The following FNBP1 variants were observed in gnomAD, a reference collection of about 807,000 sequenced individuals.
FNBP1 encodes formin binding protein 1.
A neutral mutation model predicts 90.6 loss-of-function variants in FNBP1; 26 were observed. That is an observed-to-expected ratio of 0.29 (90% confidence interval 0.21 to 0.40). The LOEUF is 0.40. Among genes scored for constraint, FNBP1 ranks in the 10% least tolerant of loss-of-function variants. The probability of loss-of-function intolerance (pLI) is 1.00; values close to 1 mark genes in which losing one functional copy is unlikely to be tolerated. For missense variants in FNBP1, 635 were observed against 768.0 expected, an observed-to-expected ratio of 0.83 and a Z score of 2.05; for synonymous variants, 260 against 265.2, an observed-to-expected ratio of 0.98 and a Z score of 0.19.
At chr9:130,053,858 G>C in the FNBP1 span, 2 of 1,420,728 alleles carry the variant, frequency 1.4e-6, no homozygotes, top group South Asian at 1.3e-5. Context: ...CCGCTCCCCG[G>C]GCCCTTCCGG....
At chr9:129,919,287 A>G in intron 10 of FNBP1, 1 of 1,002,510 alleles carries the variant, frequency 1.0e-6, no homozygotes, top group African/African-American at 1.7e-5. Context: ...AATAAAATTA[A>G]CCATAAGACT....
chr9:130,049,678 G>C, the FNBP1 span, among the ~76,000 whole-genome samples: 1 of 148,044 alleles, frequency 6.8e-6, no homozygotes, highest in Non-Finnish European at 1.5e-5. Flanking sequence ...TCCAGCCCGG[G>C]AAACAAAGTA....
chr9:129,968,630 CTT>C (rs2048976709), intron 4 of FNBP1, among the ~76,000 whole-genome samples: 1 of 152,128 alleles, frequency 6.6e-6, no homozygotes, highest in African/African-American at 2.4e-5. Flanking sequence ...GAATATCTAA[CTT>C]TGAAAAGAAT....
chr9:130,049,722 TA>T, the FNBP1 span, among the ~76,000 whole-genome samples: 1 of 151,738 alleles, frequency 6.6e-6, no homozygotes, highest in Non-Finnish European at 1.5e-5. Context: ...AAAATAAAAA[TA>T]AAAATTAAAA....
In FNBP1 at chr9:129,927,351, T is replaced by C. The variant is rs1341440038; in HGVS notation, c.643-10A>G. ...CCATCTCTTGTATTTTCTGCAACAT[T>C]AGATTTTGTATAAAGTAAGTTTGGT... On this transcript the variant is annotated splice_polypyrimidine_tract_variant and intron_variant, in intron 7 of 16. Transcript: ENST00000446176. The C allele has an allele frequency of 1.2e-6, 2 of 1,607,850 alleles. No individual in the cohort carries two copies. Among genetic ancestry groups the C allele is most frequent in the Non-Finnish European group, 1.7e-6 (2 of 1,175,794 alleles).
At chr9:129,950,770 C>CTGA in intron 6 of FNBP1, among the ~76,000 whole-genome samples, 1 of 152,182 alleles carries the variant, frequency 6.6e-6, no homozygotes, top group Admixed American at 6.6e-5. Flanking sequence ...CTCTGAACCT[C>CTGA]ACAGTTTTCT....
In FNBP1 at chr9:129,900,409, C is replaced by A; in HGVS notation, c.1550+17G>T. 6.5e-7 allele frequency: 1 copy of A among 1,539,652 alleles called. No homozygotes were observed. Among genetic ancestry groups the A allele is most frequent in the East Asian group, 2.4e-5 (1 of 42,166 alleles). ...CAGGCTCCCTTGCCAGAGGCAGGCG[C>A]TGTGCAGATACTGTACCTCTCACGG... On this transcript the variant is annotated intron_variant, in intron 14 of 16. Transcript: ENST00000446176. The surrounding 1 kb of genome is among the most constrained non-coding windows in gnomAD (Gnocchi z 4.1).
At chr9:129,923,659 C>CTTCT in intron 10 of FNBP1, among the ~76,000 whole-genome samples, 185 bp downstream of exon 10, 2 of 149,934 alleles carry the variant, frequency 1.3e-5, no homozygotes, top group Middle Eastern at 7.0e-3. Context: ...ACCATGCTTC[C>CTTCT]TTCTTTCTTT....
At chr9:129,898,039 A>G (rs1490292856) in intron 15 of FNBP1, among the ~76,000 whole-genome samples, 1 of 151,906 alleles carries the variant, frequency 6.6e-6, no homozygotes, top group African/African-American at 2.4e-5. Flanking sequence ...CATGTTGGGC[A>G]GGCTGGTCTA....
At chr9:130,003,372 A>G (rs10819586) in intron 1 of FNBP1, among the ~76,000 whole-genome samples, 147,389 of 152,134 alleles carry the variant, frequency 0.97, 71,576 homozygotes, top group East Asian at 1. Context: ...GGGAGGCTGA[A>G]GCCAGCGGAT....
chr9:129,926,381 T>TA (rs1407002612), intron 8 of FNBP1, among the ~76,000 whole-genome samples: 1 of 152,206 alleles, frequency 6.6e-6, no homozygotes, highest in African/African-American at 2.4e-5. Context: ...GGAATTCAAA[T>TA]GGAGAACACT....
At chr9:129,907,573 GA>G (rs986740923) in intron 12 of FNBP1, among the ~76,000 whole-genome samples, 82 of 140,714 alleles carry the variant, frequency 5.8e-4, no homozygotes, top group African/African-American at 2.2e-3. Flanking sequence ...CTCTTGCTAG[GA>G]GTGAGGGTGT....
At chr9:130,046,949 T>C (rs574962096), upstream of FNBP1, among the ~76,000 whole-genome samples, 31 of 152,250 alleles carry the variant, frequency 2.0e-4, no homozygotes, top group African/African-American at 7.2e-4. Context: ...AAAGGAGGAC[T>C]TGAGATTTCT....
intron 1 of FNBP1, among the ~76,000 whole-genome samples, chr9:130,030,744 TGA>T (rs746781594): frequency 0.025 from 3,754 of 152,358 alleles, 61 homozygotes; most frequent in Non-Finnish European, 0.036. Context: ...AGTCTGCTTA[TGA>T]ATATACTTCT....
intron 12 of FNBP1, among the ~76,000 whole-genome samples, chr9:129,903,205 C>A (rs768609543): frequency 6.6e-5 from 10 of 152,114 alleles, no homozygotes; most frequent in Non-Finnish European, 1.3e-4. Flanking sequence ...GTGCATGCCA[C>A]CACACCCACC....
At chr9:129,996,859 T>A (rs1180589128) in intron 1 of FNBP1, among the ~76,000 whole-genome samples, 2 of 152,002 alleles carry the variant, frequency 1.3e-5, no homozygotes, top group Non-Finnish European at 2.9e-5. Context: ...ATGCCTTCAC[T>A]AATTTTTGTA....
At chr9:129,999,559 C>T (rs1042401194) in intron 1 of FNBP1, among the ~76,000 whole-genome samples, 8 of 151,420 alleles carry the variant, frequency 5.3e-5, no homozygotes, top group Non-Finnish European at 1.0e-4. Flanking sequence ...AATCGCACCA[C>T]TGCACTCCAG....
intron 6 of FNBP1, among the ~76,000 whole-genome samples, chr9:129,947,449 A>G (rs1397436525): frequency 2.0e-5 from 3 of 148,426 alleles, no homozygotes; most frequent in African/African-American, 7.3e-5. Flanking sequence ...TCAAAAAAAA[A>G]AAAGAAAAGA....
At chr9:129,980,197 T>TA (rs990285368) in intron 2 of FNBP1, among the ~76,000 whole-genome samples, 3 of 151,228 alleles carry the variant, frequency 2.0e-5, no homozygotes, top group African/African-American at 7.3e-5. Flanking sequence ...CCGTCCCTAC[T>TA]AAAAAATACA....
Sources: allele counts gnomAD v4.1 joint callset (sites outside exome capture counted in the v4.1 genomes callset), GRCh38; gene constraint gnomAD v4.1.1; non-coding constraint Gnocchi (gnomAD v3.1); transcripts MANE v1.5; gene names NCBI Gene and HGNC (gene_info 2026-07-23, HGNC 2026-07-21).